The following SPOCK1 variants were observed in gnomAD, a reference collection of about 807,000 sequenced individuals.
The protein encoded by SPOCK1 is testican-1.
SPOCK1 carries 23 observed loss-of-function variants against 55.3 expected under a neutral mutation model. The ratio of observed to expected loss-of-function variants is 0.42; its 90% CI spans 0.30 to 0.59. The LOEUF (loss-of-function observed/expected upper bound fraction) is 0.59, where lower values mean the gene tolerates loss of function less well. Ranked by LOEUF, SPOCK1 falls within the 20% of genes least tolerant of loss-of-function variation. SPOCK1 has a pLI of 0.22. For missense variants in SPOCK1, 499 were observed against 552.5 expected (o/e 0.90, Z 0.97); for synonymous variants, 226 against 221.0 (o/e 1.02, Z -0.20).
chr5:137,205,355 G>A (rs1265749828), intron 3 of SPOCK1, among the ~76,000 whole-genome samples: 2 of 152,256 alleles, frequency 1.3e-5, no homozygotes, highest in Non-Finnish European at 2.9e-5. Context: ...GCTCTCTAAA[G>A]AGCTGTGTGC....
intron 3 of SPOCK1, among the ~76,000 whole-genome samples, chr5:137,149,780 A>G (rs1472717526): frequency 6.6e-6 from 1 of 152,236 alleles, no homozygotes; most frequent in African/African-American, 2.4e-5. Flanking sequence ...CCAAATTTTT[A>G]GTGTACCTAG....
chr5:137,235,113 G>A (rs767701319), intron 3 of SPOCK1, among the ~76,000 whole-genome samples: 3 of 152,188 alleles, frequency 2.0e-5, no homozygotes, highest in Non-Finnish European at 2.9e-5. Context: ...TTGGCAAAGT[G>A]GGAGCTGAGG....
chr5:137,035,232 G>A (rs1310203377), intron 6 of SPOCK1, among the ~76,000 whole-genome samples: 1 of 152,192 alleles, frequency 6.6e-6, no homozygotes, highest in Non-Finnish European at 1.5e-5. Flanking sequence ...GGCAGCCAAG[G>A]AGCACAGCCA....
intron 6 of SPOCK1, among the ~76,000 whole-genome samples, chr5:137,000,327 T>C (rs540830365): frequency 7.9e-5 from 12 of 152,156 alleles, no homozygotes; most frequent in Non-Finnish European, 1.5e-4. Context: ...AGAGCAGTGA[T>C]GAGTTGAGAT....
At chr5:137,143,746 T>C (rs550960350) in intron 3 of SPOCK1, among the ~76,000 whole-genome samples, 6 of 152,334 alleles carry the variant, frequency 3.9e-5, no homozygotes, top group South Asian at 2.1e-4. Flanking sequence ...CTGAGTGCTT[T>C]TGACATACAG....
intron 3 of SPOCK1, among the ~76,000 whole-genome samples, chr5:137,259,203 G>A (rs1327445604): frequency 6.6e-6 from 1 of 152,038 alleles, no homozygotes; most frequent in Non-Finnish European, 1.5e-5. Context: ...TGTTTACTGC[G>A]ACACTGTTCA....
At position 137,000,951 on chromosome 5, in the gene SPOCK1, C is replaced by T. The variant is rs535961367; in HGVS notation, c.590-8351G>A. Among the ~76,000 whole-genome samples, 16 of 152,178 alleles carry T rather than the reference C, an allele frequency of 1.1e-4. 1 individual carries two copies. The Middle Eastern group carries it at 0.02, about 194-fold the overall frequency. ...TCTGGAGGCTGAGGTTCCAGTGAGC[C>T]GAGATCACGCCACTGCACTCTAGCC... On this transcript the variant is annotated intron_variant, in intron 6 of 10. Transcript: ENST00000394945.
At chr5:137,432,801 C>T (rs1021519758) in intron 2 of SPOCK1, among the ~76,000 whole-genome samples, 2 of 151,904 alleles carry the variant, frequency 1.3e-5, no homozygotes, top group Non-Finnish European at 2.9e-5. Flanking sequence ...AAATGATGAC[C>T]TGCATTACTG....
chr5:137,217,986 G>A (rs184345837), intron 3 of SPOCK1, among the ~76,000 whole-genome samples: 1 of 151,288 alleles, frequency 6.6e-6, no homozygotes, highest in African/African-American at 2.5e-5. Flanking sequence ...AGAAGGAGAA[G>A]GAGAAGGAGA....
chr5:136,978,829 G>A lies in SPOCK1; in HGVS notation c.1145C>T (p.Thr382Ile). ...CCCACCACTGCCAAAATCCCCTGAGGTTTCCTGCTCCTCTTCTGAAAGATT... is the reference window on the plus strand; with the variant it reads ...CCCACCACTGCCAAAATCCCCTGAGATTTCCTGCTCCTCTTCTGAAAGATT... Reference protein sequence around the residue: ...GAVSCEEEQETSGDFGSGGSV... With the variant: ...GAVSCEEEQEISGDFGSGGSV... Residue 382 changes from threonine to isoleucine, a missense_variant, in exon 11 of 11, where the codon ACC becomes ATC. Physicochemically the swap from Thr to Ile is moderately conservative, Grantham distance 89. Around this residue, in one of 3 missense-constraint regions of SPOCK1, gnomAD observed 83 missense variants for 87.5 expected, o/e 0.95. Coordinates refer to ENST00000394945, the MANE Select transcript of SPOCK1 (RefSeq NM_004598.4). The A allele has an allele frequency of 6.2e-7, 1 of 1,610,912 alleles. No homozygotes were observed. The highest frequency in any genetic ancestry group is 8.5e-7 in the Non-Finnish European group (1 of 1,178,760).
intron 6 of SPOCK1, among the ~76,000 whole-genome samples, chr5:137,005,582 G>T (rs1751232681): frequency 6.6e-6 from 1 of 152,098 alleles, no homozygotes; most frequent in Non-Finnish European, 1.5e-5. Flanking sequence ...TGAGGAAATG[G>T]TATGGAAGCA....
intron 2 of SPOCK1, among the ~76,000 whole-genome samples, chr5:137,455,249 C>T (rs1163010634): frequency 1.3e-5 from 2 of 152,186 alleles, no homozygotes; most frequent in Non-Finnish European, 2.9e-5. Flanking sequence ...TTCACAAATA[C>T]CACCTTATCT....
At chr5:137,280,503 C>T (rs1379543125) in intron 2 of SPOCK1, among the ~76,000 whole-genome samples, 1 of 152,202 alleles carries the variant, frequency 6.6e-6, no homozygotes, top group Non-Finnish European at 1.5e-5. Context: ...AAGCAATAAG[C>T]TGCTTTTGCT....
intron 2 of SPOCK1, among the ~76,000 whole-genome samples, chr5:137,329,540 T>C (rs1375188530): frequency 6.6e-6 from 1 of 152,052 alleles, no homozygotes. Flanking sequence ...ACACTAAGCA[T>C]GCAATAAGCC....
intron 6 of SPOCK1, among the ~76,000 whole-genome samples, chr5:136,993,926 C>A (rs968387666): frequency 1.3e-5 from 2 of 152,158 alleles, no homozygotes; most frequent in South Asian, 4.1e-4. Flanking sequence ...TGAAACTTCT[C>A]CAGAAGAAAA....
intron 2 of SPOCK1, among the ~76,000 whole-genome samples, chr5:137,410,220 G>A (rs1313355928): frequency 1.3e-5 from 2 of 152,196 alleles, no homozygotes; most frequent in African/African-American, 4.8e-5. Context: ...AAGGTGCTCT[G>A]CTGGTTTATT....
chr5:137,110,092 T>C (rs1753439994), intron 5 of SPOCK1, among the ~76,000 whole-genome samples: 1 of 152,146 alleles, frequency 6.6e-6, no homozygotes, highest in South Asian at 2.1e-4. Flanking sequence ...GTGAGTGACC[T>C]GGAGCAAAAG....
intron 9 of SPOCK1, among the ~76,000 whole-genome samples, chr5:136,983,184 G>A (rs144345164): frequency 2.2e-4 from 33 of 152,202 alleles, no homozygotes; most frequent in South Asian, 8.3e-4. Flanking sequence ...TTTTGTGAGC[G>A]TGCTTACATT....
chr5:137,485,626 T>C (rs1489898685), intron 2 of SPOCK1, among the ~76,000 whole-genome samples: 1 of 152,202 alleles, frequency 6.6e-6, no homozygotes, highest in African/African-American at 2.4e-5. Context: ...GAGAGTGCTA[T>C]TATGTAATAA....
Sources: allele counts gnomAD v4.1 joint callset (sites outside exome capture counted in the v4.1 genomes callset), GRCh38; gene constraint gnomAD v4.1.1; regional missense constraint gnomAD v4.1.1; transcripts MANE v1.5; gene names NCBI Gene and HGNC (gene_info 2026-07-23, HGNC 2026-07-21).